DSCAM: variants seen among roughly 807,000 people sequenced by gnomAD.
The protein encoded by DSCAM is DS cell adhesion molecule, also known as cell adhesion molecule DSCAM.
DSCAM carries 47 observed loss-of-function variants against 217.7 expected under a neutral mutation model. That is an observed-to-expected ratio of 0.22 (90% CI 0.17 to 0.28). The LOEUF is 0.28. Ranked by LOEUF, DSCAM falls within the 10% of genes least tolerant of loss-of-function variation. The pLI is 1.00. For missense variants in DSCAM, 2,080 were observed against 2,618.3 expected (o/e 0.79, Z 4.49); for synonymous variants, 1,056 against 1,015.3 (o/e 1.04, Z -0.76).
At chr21:40,542,471 G>C (rs2076549626) in intron 3 of DSCAM, among the ~76,000 whole-genome samples, 1 of 152,210 alleles carries the variant, frequency 6.6e-6, no homozygotes, top group South Asian at 2.1e-4. Context: ...GATTGTATTA[G>C]GAGGTGGGGC....
intron 5 of DSCAM, among the ~76,000 whole-genome samples, chr21:40,352,454 T>A (rs1463044503): frequency 6.6e-6 from 1 of 152,138 alleles, no homozygotes; most frequent in African/African-American, 2.4e-5. Flanking sequence ...GGACAGCCTG[T>A]TCCAGATAGA....
chr21:40,769,437 T>G (rs1601237901), intron 1 of DSCAM, among the ~76,000 whole-genome samples: 3 of 151,926 alleles, frequency 2.0e-5, no homozygotes, highest in Non-Finnish European at 4.4e-5. Context: ...CACAGGTGGG[T>G]GGAGAAGTAG....
intron 3 of DSCAM, among the ~76,000 whole-genome samples, chr21:40,653,344 G>A (rs1053988620): frequency 6.6e-6 from 1 of 152,182 alleles, no homozygotes; most frequent in African/African-American, 2.4e-5. Context: ...CAGGTGGATG[G>A]TCCTACAACA....
At chr21:40,114,113 T>G (rs1322475940) in intron 20 of DSCAM, among the ~76,000 whole-genome samples, 1 of 150,608 alleles carries the variant, frequency 6.6e-6, no homozygotes, top group East Asian at 2.0e-4. Flanking sequence ...AAGTCAATCC[T>G]AAGCCAAAAG....
intron 3 of DSCAM, among the ~76,000 whole-genome samples, chr21:40,675,388 A>C (rs2090327133): frequency 1.9e-5 from 2 of 107,496 alleles, no homozygotes; most frequent in Non-Finnish European, 4.0e-5. Context: ...TGAAATGTAT[A>C]CTTGGGCCTA....
intron 32 of DSCAM, among the ~76,000 whole-genome samples, chr21:40,032,258 A>G (rs865953311): frequency 1.2e-3 from 188 of 152,188 alleles, no homozygotes; most frequent in African/African-American, 4.4e-3. Flanking sequence ...GTGCTCCAAA[A>G]CCACTGCTAA....
chr21:40,409,457 GCA>G (rs1325932468), intron 3 of DSCAM, among the ~76,000 whole-genome samples: 6 of 152,188 alleles, frequency 3.9e-5, no homozygotes, highest in Admixed American at 1.3e-4. Flanking sequence ...TGAGTTGAGA[GCA>G]CAGTTTCAAC....
chr21:40,232,794 C>A (rs1601466011), intron 11 of DSCAM, among the ~76,000 whole-genome samples: 1 of 152,032 alleles, frequency 6.6e-6, no homozygotes, highest in East Asian at 1.9e-4. Flanking sequence ...TGATACTAAG[C>A]AGGACTTTTA....
chr21:40,029,336 G>A (rs2088472239), intron 32 of DSCAM, among the ~76,000 whole-genome samples: 1 of 151,766 alleles, frequency 6.6e-6, no homozygotes, highest in South Asian at 2.1e-4. Flanking sequence ...GAAAGCATCA[G>A]CCCCTTTGGA....
intron 11 of DSCAM, among the ~76,000 whole-genome samples, chr21:40,266,635 T>TTATATATA (rs71186923): frequency 0.089 from 5,496 of 61,994 alleles, 356 homozygotes; most frequent in Middle Eastern, 0.14. Context: ...CAAAGATGTT[T>TTATATATA]TATATATATA....
In DSCAM at chr21:40,620,080, AAAAG is replaced by A. The variant is rs1407315817; in HGVS notation, c.508+72726_508+72729del. 2.8e-3 allele frequency among the ~76,000 whole-genome samples: 262 copies of A among 92,042 alleles called. 23 individuals are homozygous for A. The highest frequency in any genetic ancestry group is 6.4e-3 in the Admixed American group (63 of 9,806). 60.4% of individuals were successfully genotyped at this position (92,042 alleles called of 152,430 possible). The stretch of plus-strand genomic sequence containing the variant: ...AAAAGAAAGAAAGAGAGAAAGAGAA[AAAAG>A]AAAGAGAGAGAAAGAGAGAGAAAAA... On this transcript the variant is annotated intron_variant, in intron 3 of 32. Coordinates refer to ENST00000400454, the MANE Select transcript of DSCAM (RefSeq NM_001389.5).
Position 40,692,894 on chromosome 21 carries a change from C to T in DSCAM, c.424G>A (p.Val142Ile). 1 of 1,614,064 alleles carries T rather than the reference C, an allele frequency of 6.2e-7. No individual in the cohort carries two copies. The highest frequency in any genetic ancestry group is 1.1e-5 in the South Asian group (1 of 91,068). ...DQKTMRGNVAVFKCIIPSSVE... is the reference protein window; with the variant it reads ...DQKTMRGNVAIFKCIIPSSVE... ...GAGGAGGGGATAATGCACTTGAAGA[C>T]CGCAACATTGCCTCTCATGGTTTTC... Residue 142 changes from valine (V) to isoleucine (I), a missense_variant, in exon 3 of 33, where the codon GTC becomes ATC. Coordinates refer to ENST00000400454, the MANE Select transcript of DSCAM (RefSeq NM_001389.5).
intron 3 of DSCAM, among the ~76,000 whole-genome samples, chr21:40,681,382 T>C (rs943385074): frequency 2.6e-5 from 4 of 152,058 alleles, no homozygotes; most frequent in African/African-American, 9.7e-5. Flanking sequence ...AGCTGGATGC[T>C]GGCGCCGCCG....
At chr21:40,557,744 A>G (rs138493887) in intron 3 of DSCAM, among the ~76,000 whole-genome samples, 1 of 152,164 alleles carries the variant, frequency 6.6e-6, no homozygotes, top group Non-Finnish European at 1.5e-5. Flanking sequence ...GCTCAATCTT[A>G]AACTTTCCAG....
chr21:40,097,636 C>T lies in DSCAM; in HGVS notation c.3697-3762G>A, dbSNP rs891900475. Among the ~76,000 whole-genome samples, 23 of 152,166 alleles carry T rather than the reference C, an allele frequency of 1.5e-4. 2 individuals carry two copies. The South Asian group carries it at 4.4e-3, about 29-fold the overall frequency. On this transcript the variant is annotated intron_variant, in intron 20 of 32. Transcript: ENST00000400454. ...AAAAGCAATATCCGACTATATGCTG[C>T]TTACAAGAAATGTACTTGAAATAGG... is the stretch of plus-strand genomic sequence containing the variant.
intron 9 of DSCAM, among the ~76,000 whole-genome samples, chr21:40,304,556 T>C (rs1317557114): frequency 6.6e-6 from 1 of 152,264 alleles, no homozygotes; most frequent in Non-Finnish European, 1.5e-5. Context: ...GCTTCCGGCC[T>C]CTCTTGGCTT....
chr21:40,228,632 C>T (rs1601462304), intron 11 of DSCAM, among the ~76,000 whole-genome samples: 2 of 149,576 alleles, frequency 1.3e-5, no homozygotes, highest in East Asian at 4.2e-4. Flanking sequence ...CTTTCCCCCT[C>T]CACCTCTTTT....
intron 9 of DSCAM, among the ~76,000 whole-genome samples, chr21:40,306,903 CT>C (rs1218646939): frequency 1.3e-5 from 2 of 151,882 alleles, no homozygotes; most frequent in African/African-American, 2.4e-5. Context: ...CTAAAATTCT[CT>C]TTTTTGGTTG....
rs562539831 is a variant in DSCAM at position 40,536,441 on chromosome 21, C to A, written c.508+156369G>T. Among the ~76,000 whole-genome samples the A allele has an allele frequency of 1.7e-4, 26 of 149,738 alleles. 1 individual carries two copies. The highest frequency in any genetic ancestry group is 8.0e-4 in the Admixed American group (12 of 14,986). On this transcript the variant is annotated intron_variant, in intron 3 of 32. Transcript: ENST00000400454. The stretch of plus-strand genomic sequence containing the variant: ...TTTTGAGACGGAGTCTCGCTGTGTC[C>A]CCCAGGCTGGAGTGCAGTGGCGCCA...
Sources: gnomAD v4.1 joint callset for allele counts (sites outside exome capture counted in the v4.1 genomes callset) on GRCh38, gnomAD v4.1.1 for gene constraint, MANE v1.5 for transcripts, NCBI Gene and HGNC (gene_info 2026-07-23, HGNC 2026-07-21) for gene names.